Variants in CD46 observed in about 807,000 individuals in gnomAD.
CD46 encodes CD46 molecule, also known as membrane cofactor protein.
A neutral mutation model predicts 53.3 loss-of-function variants in CD46; 30 were observed. The observed-to-expected ratio is 0.56, with a 90% CI of 0.42 to 0.76. The LOEUF (loss-of-function observed/expected upper bound fraction) is 0.76. Among genes scored for constraint, CD46 ranks in the 30% least tolerant of loss-of-function variants. The probability of loss-of-function intolerance (pLI) is 0.00; values close to 1 mark genes in which losing one functional copy is unlikely to be tolerated. For synonymous variants in CD46, 142 were observed against 152.0 expected (o/e 0.93, Z 0.48); for missense variants, 409 against 463.0 (o/e 0.88, Z 1.07).
chr1:207,763,557 C>A (rs1039643980), intron 5 of CD46, among the ~76,000 whole-genome samples: 2 of 152,228 alleles, frequency 1.3e-5, no homozygotes, highest in African/African-American at 4.8e-5. Context: ...GCAACTGCAG[C>A]AATCTTGTTT....
At chr1:207,769,714 C>G (rs1657252232) in intron 7 of CD46, 1 of 151,616 alleles carries the variant, frequency 6.6e-6, no homozygotes, top group Non-Finnish European at 1.5e-5. Flanking sequence ...TATGTAGTAT[C>G]ATACTACTTA....
rs920849500 is a variant in CD46 at position 207,776,136 on chromosome 1, G to A, written c.943+5774G>A. Among the ~76,000 whole-genome samples, 8 of 152,222 alleles carry A rather than the reference G, an allele frequency of 5.3e-5. No individual in the cohort carries two copies. In the East Asian group the frequency reaches 1.2e-3, roughly 22 times the overall value. The stretch of plus-strand genomic sequence containing the variant: ...TCGCAGGTCAATCTCAGACTGCTGC[G>A]CTAGCAGTGAGCAAGGTTCTGTGAG... On this transcript the variant is annotated intron_variant, in intron 8 of 12. Transcript: ENST00000367042.
At position 207,793,981 on chromosome 1, in the gene CD46, T is replaced by C. The variant is rs146017739; in HGVS notation, c.*504T>C. The C allele has an allele frequency of 4.7e-5, 10 of 212,702 alleles. No individual in the cohort carries two copies. Among genetic ancestry groups the C allele is most frequent in the African/African-American group, 1.6e-4 (7 of 43,680 alleles). 13.2% of individuals were successfully genotyped at this position (212,702 alleles called of 1,614,324 possible). On this transcript the variant is annotated 3_prime_UTR_variant, in exon 13 of 13. Transcript: ENST00000367042. ...AGATTAATGCCAACTCTTAAGATTA[T>C]TCTTTCACCAACTATAGAATGTATT...
At chr1:207,766,925 C>T (rs959963553) in intron 5 of CD46, 88 bp from the exon 6 acceptor site, 1 of 1,022,308 alleles carries the variant, frequency 9.8e-7, no homozygotes, top group African/African-American at 1.6e-5. Context: ...CATTCCTTGT[C>T]TCTGTTCACA....
At chr1:207,777,969 A>T (rs1482708802) in intron 8 of CD46, among the ~76,000 whole-genome samples, 1 of 152,130 alleles carries the variant, frequency 6.6e-6, no homozygotes, top group Non-Finnish European at 1.5e-5. Context: ...TGACTTTTTA[A>T]TAATAGCCAT....
At chr1:207,774,035 C>T (rs1410767717) in intron 8 of CD46, among the ~76,000 whole-genome samples, 1 of 152,096 alleles carries the variant, frequency 6.6e-6, no homozygotes, top group Non-Finnish European at 1.5e-5. Context: ...TTGTAGGTCT[C>T]TAAGGCCTTG....
chr1:207,773,846 G>A (rs192181135), intron 8 of CD46, among the ~76,000 whole-genome samples: 1 of 152,296 alleles, frequency 6.6e-6, no homozygotes, highest in East Asian at 1.9e-4. Flanking sequence ...GTGCTGAGAA[G>A]AATGTATATT....
rs1654986330 is a variant in CD46 at position 207,752,227 on chromosome 1, C to A, written c.15C>A (p.Gly5=). The change falls in exon 1 of 13, where the codon GGC becomes GGA. Residue 5 remains glycine (G), a synonymous_variant. Transcript: ENST00000367042. This position sits in a 1 kb window ranked among gnomAD's most constrained non-coding sequence, Gnocchi z 4.1. MEPP[G]RRECPFPSWR... ...CCGCGCCGCGCATGGAGCCTCCCGG[C>A]CGCCGCGAGTGTCCCTTTCCTTCCT... is the stretch of plus-strand genomic sequence containing the variant. 4 of 1,613,988 alleles carry A rather than the reference C, an allele frequency of 2.5e-6. No individual in the cohort carries two copies. Among genetic ancestry groups the A allele is most frequent in the African/African-American group, 1.3e-5 (1 of 75,068 alleles).
At chr1:207,775,247 T>A (rs1305718994) in intron 8 of CD46, among the ~76,000 whole-genome samples, 1 of 152,244 alleles carries the variant, frequency 6.6e-6, no homozygotes, top group Non-Finnish European at 1.5e-5. Context: ...TTTAAGGTCT[T>A]CTCTACACTG....
intron 1 of CD46, among the ~76,000 whole-genome samples, chr1:207,753,454 G>A (rs1390071579): frequency 6.6e-6 from 1 of 152,238 alleles, no homozygotes; most frequent in Non-Finnish European, 1.5e-5. Context: ...GTGATTGCCT[G>A]TGCCCAGGAG....
chr1:207,759,001 G>T (rs1655879954), intron 3 of CD46, among the ~76,000 whole-genome samples: 1 of 152,168 alleles, frequency 6.6e-6, no homozygotes, highest in East Asian at 1.9e-4. Context: ...AATCAGGGAA[G>T]ATTTCATTGA....
At chr1:207,757,317 A>G (rs1228345712) in intron 2 of CD46, 115 bp downstream of exon 2, 11 of 1,027,358 alleles carry the variant, frequency 1.1e-5, no homozygotes, top group South Asian at 9.2e-5. Context: ...GAGGTTCAAG[A>G]TAACAATGCA....
chr1:207,782,843 C>CG (rs1211419634), intron 8 of CD46, among the ~76,000 whole-genome samples: 3 of 147,782 alleles, frequency 2.0e-5, no homozygotes, highest in Non-Finnish European at 4.5e-5. Context: ...TTAGTAGAGA[C>CG]GGGGTGTCAC....
chr1:207,779,913 C>CTTTTTGTTTTTTTTTTTTTTTTTT (rs1658544202), intron 8 of CD46, among the ~76,000 whole-genome samples: 1 of 62,384 alleles, frequency 1.6e-5, no homozygotes. Flanking sequence ...AAAAGCAAGT[C>CTTTTTGTTTTTTTTTTTTTTTTTT]TTTTTTTTTT....
chr1:207,793,651 T>G lies in CD46; in HGVS notation c.*174T>G. ...TTGACTCTATTAAAATCTTCAATAG[T>G]TGTTATTCTGTAGTTTCACTCTCAT... On this transcript the variant is annotated 3_prime_UTR_variant, in exon 13 of 13. Coordinates refer to ENST00000367042, the MANE Select transcript of CD46 (RefSeq NM_172351.3). 7.3e-7 allele frequency: 1 copy of G among 1,377,748 alleles called. No homozygotes were observed. The highest frequency in any genetic ancestry group is 1.0e-6 in the Non-Finnish European group (1 of 966,594). 85.3% of individuals were successfully genotyped at this position (1,377,748 alleles called of 1,614,324 possible).
chr1:207,771,865 G>T (rs547643796), intron 8 of CD46, among the ~76,000 whole-genome samples: 1 of 152,176 alleles, frequency 6.6e-6, no homozygotes, highest in Non-Finnish European at 1.5e-5. Context: ...GCTTAGGGTT[G>T]TCTTGGCTAT....
rs1660081410 is a variant in CD46 at position 207,794,547 on chromosome 1, A to C, written c.*1070A>C. 2 of 152,198 alleles carry C rather than the reference A, an allele frequency of 1.3e-5. No individual in the cohort carries two copies. The highest frequency in any genetic ancestry group is 2.9e-5 in the Non-Finnish European group (2 of 68,030). The allele number at this position is 152,198 out of a possible 1,614,324, so 9.4% of individuals were successfully genotyped here. On this transcript the variant is annotated 3_prime_UTR_variant, in exon 13 of 13. Transcript: ENST00000367042. ...ATCAGATAACCTCAAGTCACATGAG[A>C]ATCTTAGTCCATTTACATTGCCTTG... is the stretch of plus-strand genomic sequence containing the variant.
chr1:207,773,436 G>A (rs1265000868), intron 8 of CD46, among the ~76,000 whole-genome samples: 1 of 152,124 alleles, frequency 6.6e-6, no homozygotes, highest in Non-Finnish European at 1.5e-5. Context: ...CCTTCTGCTA[G>A]CTTTTGAATT....
In CD46 at chr1:207,752,649, C is replaced by T. The variant is rs990175530; in HGVS notation, c.97+340C>T. ...AGGTGAGGGCTTGTTCTGGAGTGCA[C>T]AGGTGCGTGGGAGTGTTGCTAGGGC... On this transcript the variant is annotated intron_variant, in intron 1 of 12. Coordinates refer to ENST00000367042, the MANE Select transcript of CD46 (RefSeq NM_172351.3). This position sits in a 1 kb window ranked among gnomAD's most constrained non-coding sequence, Gnocchi z 4.1. 8.0e-4 allele frequency among the ~76,000 whole-genome samples: 121 copies of T among 152,056 alleles called. No individual in the cohort carries two copies. Among genetic ancestry groups the T allele is most frequent in the Non-Finnish European group, 1.2e-3 (80 of 67,998 alleles).
Sources: gnomAD v4.1 joint callset for allele counts (sites outside exome capture counted in the v4.1 genomes callset) on GRCh38, gnomAD v4.1.1 for gene constraint, Gnocchi (gnomAD v3.1) non-coding constraint, MANE v1.5 for transcripts, NCBI Gene and HGNC (gene_info 2026-07-23, HGNC 2026-07-21) for gene names.